The following NXNL2 variants were observed in gnomAD, a reference collection of about 807,000 sequenced individuals.
NXNL2 encodes the protein nucleoredoxin-like protein 2.
In NXNL2, 7 loss-of-function variants were observed where a neutral mutation model predicts 11.1. The ratio of observed to expected loss-of-function variants is 0.63; its 90% CI spans 0.36 to 1.18. The LOEUF (loss-of-function observed/expected upper bound fraction) is 1.18, where lower values mean the gene tolerates loss of function less well. Ranked by LOEUF, NXNL2 falls within the 50% of genes most tolerant of loss-of-function variation. The probability of loss-of-function intolerance (pLI) is 0.02; values close to 1 mark genes in which losing one functional copy is unlikely to be tolerated. For missense variants in NXNL2, 233 were observed against 217.7 expected, an observed-to-expected ratio of 1.07 and a Z score of -0.44; for synonymous variants, 109 against 101.8, an observed-to-expected ratio of 1.07 and a Z score of -0.42.
intron 1 of NXNL2, among the ~76,000 whole-genome samples, chr9:88,559,740 C>G (rs2118490583): frequency 6.6e-6 from 1 of 152,330 alleles, no homozygotes; most frequent in Middle Eastern, 3.4e-3. Flanking sequence ...GTAAGTCCCT[C>G]TACCCTGAAA....
downstream of NXNL2, among the ~76,000 whole-genome samples, chr9:88,546,328 TG>T (rs1314886756): frequency 6.6e-6 from 1 of 151,774 alleles, no homozygotes; most frequent in African/African-American, 2.4e-5. Flanking sequence ...TCGGCTGGGC[TG>T]GCCCTGTAGG....
At chr9:88,548,529 C>CA (rs371956999), downstream of NXNL2, among the ~76,000 whole-genome samples, 13,493 of 141,796 alleles carry the variant, frequency 0.095, 2,004 homozygotes, top group African/African-American at 0.32. Context: ...ACTAAAAATA[C>CA]AAAAAAAAAA....
At chr9:88,541,145 A>G (rs1278353649) in intron 1 of NXNL2, among the ~76,000 whole-genome samples, 3 of 141,834 alleles carry the variant, frequency 2.1e-5, no homozygotes, top group Non-Finnish European at 4.6e-5. Flanking sequence ...GGGTCTTGTC[A>G]TGTCACCCAC....
Position 88,535,260 on chromosome 9 carries a change from C to T in NXNL2, c.-175C>T. The T allele has an allele frequency of 1.7e-6, 1 of 603,872 alleles. No homozygotes were observed. The highest frequency in any genetic ancestry group is 2.1e-5 in the South Asian group (1 of 47,992). 37.4% of individuals were successfully genotyped at this position (603,872 alleles called of 1,614,324 possible). A position where few individuals can be genotyped will look rare whatever the true frequency, so the allele number is the denominator to read the frequency against. ...CATTGTCGGCGCGAACACAATTGCT[C>T]CAGCCACAGGCGAGGCCTGGCCAAG... On this transcript the variant is annotated 5_prime_UTR_variant, in exon 1 of 2. Transcript: ENST00000375854.
intron 1 of NXNL2, among the ~76,000 whole-genome samples, chr9:88,558,378 T>G (rs1306642322): frequency 6.6e-6 from 1 of 152,196 alleles, no homozygotes; most frequent in Non-Finnish European, 1.5e-5. Context: ...CCTTCTCTCA[T>G]ATGCATCTCC....
chr9:88,556,315 C>T (rs1203766062), intron 1 of NXNL2, among the ~76,000 whole-genome samples: 1 of 152,200 alleles, frequency 6.6e-6, no homozygotes, highest in Non-Finnish European at 1.5e-5. Flanking sequence ...GCTCCTTTCT[C>T]ACCCACTGTT....
chr9:88,572,208 C>T (rs776313006), intron 2 of NXNL2, among the ~76,000 whole-genome samples: 9 of 152,164 alleles, frequency 5.9e-5, no homozygotes, highest in Non-Finnish European at 1.0e-4. Context: ...GGGGCGTGCA[C>T]TCATTCATTC....
chr9:88,565,130 G>C (rs75238116), intron 1 of NXNL2, among the ~76,000 whole-genome samples: 2,188 of 152,246 alleles, frequency 0.014, 49 homozygotes, highest in African/African-American at 0.049. Context: ...TCCTGCACCT[G>C]GTTTATTCCA....
rs758887223 is a variant in NXNL2 at position 88,535,497 on chromosome 9, G to C, written c.63G>C (p.Glu21Asp). Residue 21 changes from glutamate (E) to aspartate (D), a missense_variant, in exon 1 of 2, where the codon GAG (glutamate) becomes GAC (aspartate). By Grantham distance (45) the Glu-to-Asp change is conservative. Coordinates refer to ENST00000375854, the MANE Select transcript of NXNL2 (RefSeq NM_001161625.2). ...VTCKGATVEAEAALQNKVVAL... is the reference protein window; with the variant it reads ...VTCKGATVEADAALQNKVVAL... Reference sequence around the variant, plus strand: ...GTAAGGGCGCGACGGTGGAGGCCGAGGCGGCGCTGCAGAACAAGGTGGTGG... The same window carrying C: ...GTAAGGGCGCGACGGTGGAGGCCGACGCGGCGCTGCAGAACAAGGTGGTGG... 1 of 1,609,920 alleles carries C rather than the reference G, an allele frequency of 6.2e-7. No individual in the cohort carries two copies. The highest frequency in any genetic ancestry group is 1.7e-5 in the Admixed American group (1 of 59,878).
In NXNL2 at chr9:88,537,439, G is replaced by A. The variant is rs537469172; in HGVS notation, c.302+1703G>A. Reference sequence around the variant, plus strand: ...AGCTGGAGGCAGTGAGCTGCGTGACGTGGGTCAGCTGTGTGCTCCTATCTT... The same window carrying A: ...AGCTGGAGGCAGTGAGCTGCGTGACATGGGTCAGCTGTGTGCTCCTATCTT... On this transcript the variant is annotated intron_variant, in intron 1 of 1. Coordinates refer to ENST00000375854, the MANE Select transcript of NXNL2 (RefSeq NM_001161625.2). 1.4e-4 allele frequency among the ~76,000 whole-genome samples: 21 copies of A among 152,334 alleles called. No individual in the cohort carries two copies. In the South Asian group the frequency reaches 1.4e-3, roughly 11 times the overall value.
intron 1 of NXNL2, among the ~76,000 whole-genome samples, chr9:88,558,111 G>A (rs750132394): frequency 1.4e-4 from 22 of 152,280 alleles, no homozygotes; most frequent in Non-Finnish European, 2.2e-4. Context: ...ATAGCCTCAG[G>A]ATGGGGCTGG....
intron 1 of NXNL2, among the ~76,000 whole-genome samples, chr9:88,550,241 CA>C (rs1258565678): frequency 6.6e-6 from 1 of 152,200 alleles, no homozygotes; most frequent in Non-Finnish European, 1.5e-5. Flanking sequence ...CACCACCCAC[CA>C]AGCCCCACCT....
At chr9:88,543,138 T>A (rs1829793029) in intron 1 of NXNL2, among the ~76,000 whole-genome samples, 1 of 152,218 alleles carries the variant, frequency 6.6e-6, no homozygotes, top group Admixed American at 6.5e-5. Context: ...TTATAGATAC[T>A]GTAAATGTAA....
intron 1 of NXNL2, among the ~76,000 whole-genome samples, chr9:88,536,601 T>C (rs2118386837): frequency 6.6e-6 from 1 of 152,312 alleles, no homozygotes; most frequent in South Asian, 2.1e-4. Flanking sequence ...CAGCCTCACA[T>C]TTCTGGAGAT....
At chr9:88,569,579 C>A (rs1373786953) in intron 1 of NXNL2, among the ~76,000 whole-genome samples, 1 of 152,104 alleles carries the variant, frequency 6.6e-6, no homozygotes, top group African/African-American at 2.4e-5. Flanking sequence ...GTTTTGATAT[C>A]AAGTTTAATA....
downstream of NXNL2, among the ~76,000 whole-genome samples, chr9:88,546,842 C>G (rs1829852653): frequency 1.3e-5 from 2 of 152,166 alleles, no homozygotes; most frequent in South Asian, 4.1e-4. Context: ...CCCTTGTGTT[C>G]CAGAAGCAAT....
intron 1 of NXNL2, among the ~76,000 whole-genome samples, chr9:88,567,373 G>A (rs895794176): frequency 1.3e-5 from 2 of 152,114 alleles, no homozygotes; most frequent in East Asian, 1.9e-4. Context: ...TCTTGACTTC[G>A]TGATTTGCCC....
chr9:88,568,116 T>A (rs183137142), intron 1 of NXNL2, among the ~76,000 whole-genome samples: 1 of 152,288 alleles, frequency 6.6e-6, no homozygotes, highest in East Asian at 1.9e-4. Flanking sequence ...TGCTTTTAAG[T>A]TAGAGATGAT....
chr9:88,544,397 C>A lies in NXNL2; in HGVS notation c.321C>A (p.Tyr107Ter). 6.4e-7 allele frequency: 1 copy of A among 1,551,856 alleles called. No individual in the cohort carries two copies. The highest frequency in any genetic ancestry group is 8.7e-7 in the Non-Finnish European group (1 of 1,147,026). The change falls in exon 2 of 2, where the codon TAC becomes TAA. Residue 107 changes from tyrosine to a stop codon, truncating the protein, a stop_gained. Coordinates refer to ENST00000375854, the MANE Select transcript of NXNL2 (RefSeq NM_001161625.2). LOFTEE classifies it high-confidence loss of function. ...CCTGCAGTGAGCTGAGGAAGAGGTA[C>A]AACGTCACAGCCATCCCCAAGCTTG... is the stretch of plus-strand genomic sequence containing the variant. ...DPYRHELRKRYNVTAIPKLVI... is the reference protein window; with the variant it reads ...DPYRHELRKR
Sources: gnomAD v4.1 joint callset for allele counts (sites outside exome capture counted in the v4.1 genomes callset) on GRCh38, gnomAD v4.1.1 for gene constraint, MANE v1.5 for transcripts, NCBI Gene and HGNC (gene_info 2026-07-23, HGNC 2026-07-21) for gene names.